CLSTN2: variants seen among roughly 807,000 people sequenced by gnomAD.
CLSTN2 encodes calsyntenin 2.
CLSTN2 carries 48 observed loss-of-function variants against 101.2 expected under a neutral mutation model. That is an observed-to-expected ratio of 0.47 (90% CI 0.38 to 0.60). The LOEUF (loss-of-function observed/expected upper bound fraction) is 0.60. CLSTN2 is among the 20% of genes least tolerant of loss of function. The pLI, the probability that CLSTN2 is intolerant of heterozygous loss-of-function variation, is 0.00. For missense variants in CLSTN2, 1,160 were observed against 1,238.2 expected, an observed-to-expected ratio of 0.94 and a Z score of 0.95; for synonymous variants, 481 against 463.6, an observed-to-expected ratio of 1.04 and a Z score of -0.48.
At chr3:140,219,135 A>G (rs567293592) in intron 2 of CLSTN2, among the ~76,000 whole-genome samples, 64 of 152,020 alleles carry the variant, frequency 4.2e-4, no homozygotes, top group Non-Finnish European at 7.1e-4. Flanking sequence ...CTCGAACTGC[A>G]GGAATACATG....
chr3:140,084,774 A>G (rs1301998272), intron 1 of CLSTN2, among the ~76,000 whole-genome samples: 1 of 152,100 alleles, frequency 6.6e-6, no homozygotes, highest in East Asian at 1.9e-4. Flanking sequence ...CAGATACTTG[A>G]ATCTCCTTTC....
At chr3:140,401,502 T>C (rs2088241200) in intron 2 of CLSTN2, among the ~76,000 whole-genome samples, 1 of 152,254 alleles carries the variant, frequency 6.6e-6, no homozygotes, top group African/African-American at 2.4e-5. Flanking sequence ...GTATCTCCTC[T>C]TTCCTCTCCT....
chr3:140,330,225 T>C (rs1381610677), intron 2 of CLSTN2, among the ~76,000 whole-genome samples: 4 of 152,224 alleles, frequency 2.6e-5, no homozygotes, highest in Non-Finnish European at 1.5e-5. Context: ...TCGTGCTCCA[T>C]GTCATGACTC....
intron 2 of CLSTN2, among the ~76,000 whole-genome samples, chr3:140,304,838 A>G (rs1365301064): frequency 6.6e-6 from 1 of 152,150 alleles, no homozygotes; most frequent in Non-Finnish European, 1.5e-5. Context: ...TAGGTGTGTC[A>G]TCTTGGGTAA....
chr3:140,292,302 T>A (rs2086962184), intron 2 of CLSTN2, among the ~76,000 whole-genome samples: 1 of 152,220 alleles, frequency 6.6e-6, no homozygotes, highest in East Asian at 1.9e-4. Context: ...GCCGCTTCTT[T>A]CCTGTTACGA....
chr3:140,468,426 G>T (rs556271318), intron 8 of CLSTN2, among the ~76,000 whole-genome samples: 1 of 152,286 alleles, frequency 6.6e-6, no homozygotes, highest in East Asian at 1.9e-4. Context: ...AAGGAATTCT[G>T]GTTCTGAAGA....
chr3:140,403,477 G>A (rs2088266296), intron 2 of CLSTN2, 152 bp from the exon 3 acceptor site: 2 of 684,270 alleles, frequency 2.9e-6, no homozygotes, highest in Admixed American at 4.9e-5. Flanking sequence ...AAGCTCCCAG[G>A]CAATGCTGAT....
chr3:140,426,804 T>G lies in CLSTN2; in HGVS notation c.787+5530T>G, dbSNP rs1366231420. ...CTGTTTGAGTTCTAAGAGTACTGTT[T>G]TCACTTTTACTGTTTATTTTCTTAT... On this transcript the variant is annotated intron_variant, in intron 5 of 16. Coordinates refer to ENST00000458420, the MANE Select transcript of CLSTN2 (RefSeq NM_022131.3). 2.0e-5 allele frequency among the ~76,000 whole-genome samples: 3 copies of G among 152,194 alleles called. No homozygotes were observed. In the East Asian group the frequency reaches 5.8e-4, roughly 29 times the overall value.
intron 1 of CLSTN2, among the ~76,000 whole-genome samples, chr3:140,124,985 G>A (rs2009406377): frequency 1.3e-5 from 2 of 152,158 alleles, no homozygotes; most frequent in Non-Finnish European, 2.9e-5. Context: ...CCTGGAGAAG[G>A]CAATGTTTCA....
At chr3:140,270,640 G>A (rs780036360) in intron 2 of CLSTN2, among the ~76,000 whole-genome samples, 3 of 152,148 alleles carry the variant, frequency 2.0e-5, no homozygotes, top group Non-Finnish European at 2.9e-5. Context: ...AGAGGGCTGT[G>A]GATGCTAGGG....
intron 2 of CLSTN2, among the ~76,000 whole-genome samples, chr3:140,386,519 C>T (rs192221391): frequency 6.6e-5 from 10 of 152,272 alleles, no homozygotes; most frequent in Non-Finnish European, 1.2e-4. Context: ...TCACACTGTC[C>T]GCCCTGTCTC....
chr3:139,979,647 G>C (rs1935882565), intron 1 of CLSTN2, among the ~76,000 whole-genome samples: 1 of 152,154 alleles, frequency 6.6e-6, no homozygotes, highest in Non-Finnish European at 1.5e-5. Flanking sequence ...CAACTTTTTG[G>C]AAAATGTCAT....
chr3:140,074,669 A>G (rs773038000), intron 1 of CLSTN2, among the ~76,000 whole-genome samples: 57 of 152,202 alleles, frequency 3.7e-4, no homozygotes, highest in Non-Finnish European at 7.2e-4. Flanking sequence ...GAGGAAACAG[A>G]GGCACAGAGA....
At chr3:140,530,033 T>C (rs144007138) in intron 8 of CLSTN2, among the ~76,000 whole-genome samples, 12 of 152,132 alleles carry the variant, frequency 7.9e-5, no homozygotes, top group Admixed American at 5.2e-4. Flanking sequence ...GTATCAAGAG[T>C]CTTAAAAATA....
At chr3:140,163,096 TTGTC>T (rs1417929771) in intron 1 of CLSTN2, among the ~76,000 whole-genome samples, 7 of 152,284 alleles carry the variant, frequency 4.6e-5, no homozygotes, top group Admixed American at 3.3e-4. Flanking sequence ...ATATGTCAAA[TTGTC>T]TGGGCTGTAG....
chr3:140,220,258 C>T (rs936772679), intron 2 of CLSTN2, among the ~76,000 whole-genome samples: 3 of 152,196 alleles, frequency 2.0e-5, no homozygotes. Context: ...GGAGATCATC[C>T]ACCTTCCAAT....
At chr3:140,233,293 A>G (rs1281613130) in intron 2 of CLSTN2, among the ~76,000 whole-genome samples, 2 of 152,148 alleles carry the variant, frequency 1.3e-5, no homozygotes, top group African/African-American at 2.4e-5. Context: ...GCATTCGCCA[A>G]GTCCTCAGGT....
chr3:140,165,843 TACTC>T (rs2107822537), intron 1 of CLSTN2, among the ~76,000 whole-genome samples: 1 of 152,330 alleles, frequency 6.6e-6, no homozygotes, highest in Non-Finnish European at 1.5e-5. Context: ...CAAGAACAGA[TACTC>T]AAACTAGCAC....
At chr3:140,027,382 G>A (rs1020629051) in intron 1 of CLSTN2, among the ~76,000 whole-genome samples, 5 of 152,142 alleles carry the variant, frequency 3.3e-5, no homozygotes, top group South Asian at 2.1e-4. Flanking sequence ...GGAGAGGACC[G>A]TGTGAAGATG....
Sources: gnomAD v4.1 joint callset for allele counts (sites outside exome capture counted in the v4.1 genomes callset) on GRCh38, gnomAD v4.1.1 for gene constraint, MANE v1.5 for transcripts, NCBI Gene and HGNC (gene_info 2026-07-23, HGNC 2026-07-21) for gene names.